BMPER: variants seen among roughly 807,000 people sequenced by gnomAD.
BMPER encodes the protein BMP binding endothelial regulator.
In BMPER, 45 loss-of-function variants were observed where a neutral mutation model predicts 87.3. The ratio of observed to expected loss-of-function variants is 0.52; its 90% CI spans 0.41 to 0.66. The LOEUF (loss-of-function observed/expected upper bound fraction) is 0.66, where lower values mean the gene tolerates loss of function less well. Among genes scored for constraint, BMPER ranks in the 30% least tolerant of loss-of-function variants. BMPER has a pLI of 0.00. For synonymous variants in BMPER, 326 were observed against 316.2 expected, an observed-to-expected ratio of 1.03 and a Z score of -0.33; for missense variants, 784 against 867.5, an observed-to-expected ratio of 0.90 and a Z score of 1.21.
chr7:33,977,813 A>G (rs77305829), intron 6 of BMPER, among the ~76,000 whole-genome samples: 1 of 152,238 alleles, frequency 6.6e-6, no homozygotes, highest in Non-Finnish European at 1.5e-5. Flanking sequence ...ACAAATGCAA[A>G]CATACACATT....
chr7:33,994,452 T>G (rs143650311), intron 6 of BMPER, among the ~76,000 whole-genome samples: 2,332 of 152,290 alleles, frequency 0.015, 68 homozygotes, highest in African/African-American at 0.053. Context: ...GCTTCCCAAG[T>G]GAGGCAATGC....
intron 6 of BMPER, among the ~76,000 whole-genome samples, chr7:33,996,817 A>G (rs1374398652): frequency 6.6e-6 from 1 of 152,220 alleles, no homozygotes; most frequent in East Asian, 1.9e-4. Flanking sequence ...TATTGTTTCA[A>G]CATGTAATCA....
At chr7:33,914,076 C>T (rs768373200) in intron 2 of BMPER, among the ~76,000 whole-genome samples, 2 of 151,746 alleles carry the variant, frequency 1.3e-5, no homozygotes, top group Non-Finnish European at 2.9e-5. Context: ...ATTCTCCTGC[C>T]TCAGCCCTCC....
intron 13 of BMPER, among the ~76,000 whole-genome samples, chr7:34,141,324 C>T (rs1790862659): frequency 1.3e-5 from 2 of 152,074 alleles, no homozygotes; most frequent in Middle Eastern, 3.2e-3. Context: ...GAAATACAAT[C>T]TTGAGCCAGG....
chr7:34,076,242 G>A (rs2127972661), intron 11 of BMPER, among the ~76,000 whole-genome samples: 1 of 152,226 alleles, frequency 6.6e-6, no homozygotes, highest in Non-Finnish European at 1.5e-5. Context: ...CTGCTTCTAT[G>A]ACGACTTGCT....
chr7:34,127,386 G>A (rs1193067105), intron 13 of BMPER, among the ~76,000 whole-genome samples: 1 of 152,098 alleles, frequency 6.6e-6, no homozygotes, highest in Non-Finnish European at 1.5e-5. Context: ...TTTCTCCCCA[G>A]CTGTGTGTTT....
intron 13 of BMPER, among the ~76,000 whole-genome samples, chr7:34,104,809 G>A (rs1157382923): frequency 6.6e-6 from 1 of 152,112 alleles, no homozygotes; most frequent in Non-Finnish European, 1.5e-5. Flanking sequence ...TGAGAGAAAG[G>A]ACATGAGATG....
rs201607759 is a variant in BMPER, at chr7:33,994,491, C to T, written c.576+19707C>T. On this transcript the variant is annotated intron_variant, in intron 6 of 14. Transcript: ENST00000649409. Reference sequence around the variant, plus strand: ...ACCCTGCTTTGGCTCGCGCATGGTGCGCACACCCACTGACCTGTGCCCACT... The same window carrying T: ...ACCCTGCTTTGGCTCGCGCATGGTGTGCACACCCACTGACCTGTGCCCACT... Among the ~76,000 whole-genome samples, 23 of 152,298 alleles carry T rather than the reference C, an allele frequency of 1.5e-4. No homozygotes were observed. In the East Asian group the frequency reaches 3.7e-3, roughly 24 times the overall value.
chr7:34,082,206 T>G (rs1789067563), intron 12 of BMPER, among the ~76,000 whole-genome samples: 1 of 152,076 alleles, frequency 6.6e-6, no homozygotes, highest in South Asian at 2.1e-4. Flanking sequence ...ATGGAGAAAC[T>G]CATCCCAGCT....
upstream of BMPER, chr7:33,905,521 C>A (rs1783786845): frequency 1.3e-6 from 2 of 1,557,796 alleles, no homozygotes; most frequent in Admixed American, 3.7e-5. Flanking sequence ...CCCGACACGC[C>A]GGCTGAGAGC....
At chr7:34,114,622 A>T (rs1242545414) in intron 13 of BMPER, among the ~76,000 whole-genome samples, 1 of 152,240 alleles carries the variant, frequency 6.6e-6, no homozygotes, top group Non-Finnish European at 1.5e-5. Context: ...GCAAACTGTG[A>T]TAAGTGCAAA....
At chr7:34,119,012 T>TCACACACA (rs781255103) in intron 13 of BMPER, among the ~76,000 whole-genome samples, 24 of 33,006 alleles carry the variant, frequency 7.3e-4, no homozygotes, top group African/African-American at 1.8e-3. Context: ...TCTCTCTCTC[T>TCACACACA]CTCACACACA....
intron 2 of BMPER, among the ~76,000 whole-genome samples, chr7:33,914,135 T>C (rs1253437904): frequency 6.6e-6 from 1 of 151,894 alleles, no homozygotes; most frequent in Non-Finnish European, 1.5e-5. Context: ...GCTAATTTTT[T>C]TTTGTATTTT....
At chr7:34,076,450 C>T (rs1317651287) in intron 11 of BMPER, among the ~76,000 whole-genome samples, 1 of 152,052 alleles carries the variant, frequency 6.6e-6, no homozygotes, top group Non-Finnish European at 1.5e-5. Context: ...TTAATTTTAA[C>T]ATAGTTAAAA....
At position 33,944,173 on chromosome 7, in the gene BMPER, A is replaced by G. The variant is rs545919312; in HGVS notation, c.319+6785A>G. On this transcript the variant is annotated intron_variant, in intron 3 of 14. Coordinates refer to ENST00000649409, the MANE Select transcript of BMPER (RefSeq NM_001365308.1). The stretch of plus-strand genomic sequence containing the variant: ...ATTTTTATTTATTTTTTAATTTATT[A>G]TTATTATTATTGAGACAGGTCTCGC... Among the ~76,000 whole-genome samples, 75 of 151,806 alleles carry G rather than the reference A, an allele frequency of 4.9e-4. 1 individual carries two copies. Among genetic ancestry groups the G allele is most frequent in the African/African-American group, 1.8e-3 (74 of 41,420 alleles).
chr7:34,138,900 C>G (rs1169073825), intron 13 of BMPER, among the ~76,000 whole-genome samples: 2 of 152,176 alleles, frequency 1.3e-5, no homozygotes, highest in Non-Finnish European at 2.9e-5. Context: ...ATCTCAGTCA[C>G]TCCCAGAAGT....
At chr7:33,971,303 A>T (rs1785539630) in intron 5 of BMPER, among the ~76,000 whole-genome samples, 1 of 152,074 alleles carries the variant, frequency 6.6e-6, no homozygotes, top group East Asian at 1.9e-4. Flanking sequence ...ACTTTCCTCC[A>T]TGCAGTCTCA....
chr7:34,132,571 C>G (rs888496260), intron 13 of BMPER, among the ~76,000 whole-genome samples: 2 of 152,204 alleles, frequency 1.3e-5, no homozygotes, highest in Non-Finnish European at 2.9e-5. Flanking sequence ...AGAACAATTT[C>G]AAAGACGGTA....
intron 3 of BMPER, among the ~76,000 whole-genome samples, chr7:33,946,020 A>G (rs1267290275): frequency 1.3e-5 from 2 of 152,164 alleles, no homozygotes; most frequent in African/African-American, 2.4e-5. Context: ...CCACATTGCT[A>G]TAAGGAAATA....
Sources: gnomAD v4.1 joint callset for allele counts (sites outside exome capture counted in the v4.1 genomes callset) on GRCh38, gnomAD v4.1.1 for gene constraint, MANE v1.5 for transcripts, NCBI Gene and HGNC (gene_info 2026-07-23, HGNC 2026-07-21) for gene names.